Variants in PCDH9 observed in about 807,000 individuals in gnomAD.
PCDH9 encodes the protein protocadherin-9.
In PCDH9, 24 loss-of-function variants were observed where a neutral mutation model predicts 70.6. The observed-to-expected ratio is 0.34, with a 90% CI of 0.25 to 0.48. The LOEUF is 0.48. Ranked by LOEUF, PCDH9 falls within the 20% of genes least tolerant of loss-of-function variation. The pLI is 0.99. For synonymous variants in PCDH9, 562 were observed against 558.5 expected (o/e 1.01, Z -0.09); for missense variants, 1,281 against 1,503.6 (o/e 0.85, Z 2.45).
intron 4 of PCDH9, among the ~76,000 whole-genome samples, chr13:66,371,401 C>T (rs562897090): frequency 6.6e-6 from 1 of 152,056 alleles, no homozygotes; most frequent in Admixed American, 6.6e-5. Context: ...TATAATCATA[C>T]CTTTTTGACA....
intron 2 of PCDH9, among the ~76,000 whole-genome samples, chr13:67,078,028 A>G (rs991969870): frequency 3.9e-5 from 6 of 152,082 alleles, no homozygotes; most frequent in Non-Finnish European, 8.8e-5. Flanking sequence ...TCTTCCCTGC[A>G]TTATATTCTA....
intron 3 of PCDH9, among the ~76,000 whole-genome samples, chr13:66,795,760 T>C (rs187084553): frequency 6.6e-6 from 1 of 152,322 alleles, no homozygotes; most frequent in Admixed American, 6.5e-5. Flanking sequence ...AGCAGCTCAT[T>C]ACAGATGGAG....
intron 2 of PCDH9, among the ~76,000 whole-genome samples, chr13:66,970,759 C>T (rs1471818945): frequency 1.3e-5 from 2 of 151,784 alleles, no homozygotes; most frequent in African/African-American, 4.8e-5. Context: ...TTTTAGAGGG[C>T]AGTAGGAGTG....
intron 4 of PCDH9, among the ~76,000 whole-genome samples, chr13:66,591,909 A>AGT (rs1466694865): frequency 2.0e-5 from 3 of 151,684 alleles, no homozygotes; most frequent in South Asian, 2.1e-4. Flanking sequence ...AAGTAAACAA[A>AGT]GTGTGTTCTC....
chr13:66,547,887 T>G (rs1040354397), intron 4 of PCDH9, among the ~76,000 whole-genome samples: 4 of 136,990 alleles, frequency 2.9e-5, no homozygotes, highest in Non-Finnish European at 6.4e-5. Flanking sequence ...AATATGATAT[T>G]TAATCATATT....
chr13:66,553,715 T>G (rs934406655), intron 4 of PCDH9, among the ~76,000 whole-genome samples: 2 of 152,206 alleles, frequency 1.3e-5, no homozygotes, highest in African/African-American at 4.8e-5. Flanking sequence ...AAGTACCTCT[T>G]GTATATAATA....
intron 2 of PCDH9, among the ~76,000 whole-genome samples, chr13:67,009,869 A>G (rs1173936630): frequency 6.6e-6 from 1 of 152,042 alleles, no homozygotes; most frequent in Non-Finnish European, 1.5e-5. Context: ...AACAGATCAC[A>G]TAGTAAACAC....
intron 2 of PCDH9, among the ~76,000 whole-genome samples, chr13:66,998,708 G>A (rs918792303): frequency 7.2e-5 from 11 of 152,072 alleles, no homozygotes; most frequent in Non-Finnish European, 1.6e-4. Context: ...AGTTGTCTCT[G>A]CAATGTCTCC....
At chr13:67,130,692 T>C in intron 2 of PCDH9, among the ~76,000 whole-genome samples, 1 of 151,922 alleles carries the variant, frequency 6.6e-6, no homozygotes, top group African/African-American at 2.4e-5. Context: ...AGGAACATCT[T>C]ATCAAACAAG....
At chr13:66,568,084 G>A (rs1230321991) in intron 4 of PCDH9, among the ~76,000 whole-genome samples, 3 of 152,106 alleles carry the variant, frequency 2.0e-5, no homozygotes, top group East Asian at 3.9e-4. Flanking sequence ...GAGATAAGAC[G>A]TGTAAGAAAG....
At chr13:67,117,746 A>C (rs958419254) in intron 2 of PCDH9, among the ~76,000 whole-genome samples, 1 of 152,120 alleles carries the variant, frequency 6.6e-6, no homozygotes, top group Admixed American at 6.6e-5. Context: ...GGGATTTTTT[A>C]AAGATCACTT....
intron 4 of PCDH9, among the ~76,000 whole-genome samples, chr13:66,626,759 C>T (rs942993027): frequency 6.6e-6 from 1 of 152,048 alleles, no homozygotes; most frequent in Non-Finnish European, 1.5e-5. Context: ...ATTATTTACA[C>T]AAAACCTATC....
intron 3 of PCDH9, among the ~76,000 whole-genome samples, chr13:66,707,230 A>G (rs989875122): frequency 6.6e-6 from 1 of 152,230 alleles, no homozygotes; most frequent in African/African-American, 2.4e-5. Context: ...GTTGCCATTT[A>G]ACATAGGTAC....
chr13:66,636,519 TGACA>T (rs1368344956), intron 3 of PCDH9, among the ~76,000 whole-genome samples: 2 of 152,096 alleles, frequency 1.3e-5, no homozygotes, highest in Non-Finnish European at 2.9e-5. Context: ...ATCTAATTAA[TGACA>T]GACATTTAAA....
chr13:67,162,466 A>C (rs1350626041), intron 2 of PCDH9, among the ~76,000 whole-genome samples: 1 of 152,192 alleles, frequency 6.6e-6, no homozygotes, highest in Non-Finnish European at 1.5e-5. Context: ...TTACACACCA[A>C]ACACCACAAG....
intron 3 of PCDH9, among the ~76,000 whole-genome samples, chr13:66,899,153 C>A (rs185479968): frequency 9.2e-5 from 14 of 151,962 alleles, no homozygotes; most frequent in Non-Finnish European, 1.6e-4. Context: ...TTCACTTATA[C>A]GCATTTAATG....
chr13:67,101,158 C>T (rs2086425402), intron 2 of PCDH9, among the ~76,000 whole-genome samples: 1 of 152,162 alleles, frequency 6.6e-6, no homozygotes, highest in Non-Finnish European at 1.5e-5. Context: ...TCAGGTAAAA[C>T]AATATAGTAA....
At chr13:66,729,776 C>T (rs375081586) in intron 3 of PCDH9, among the ~76,000 whole-genome samples, 2 of 152,120 alleles carry the variant, frequency 1.3e-5, no homozygotes, top group African/African-American at 2.4e-5. Flanking sequence ...GAAATAGCTC[C>T]TCCATGAAGC....
intron 3 of PCDH9, among the ~76,000 whole-genome samples, chr13:66,881,172 C>T (rs1010022325): frequency 1.3e-5 from 2 of 152,164 alleles, no homozygotes; most frequent in African/African-American, 4.8e-5. Context: ...AATATTATAA[C>T]TTGCAGTTTT....
Sources: allele counts gnomAD v4.1 joint callset (sites outside exome capture counted in the v4.1 genomes callset), GRCh38; gene constraint gnomAD v4.1.1; transcripts MANE v1.5; gene names NCBI Gene and HGNC (gene_info 2026-07-23, HGNC 2026-07-21).